The following MIS18BP1 variants were observed in gnomAD, a reference collection of about 807,000 sequenced individuals.
MIS18BP1 encodes the protein mis18-binding protein 1.
Under a neutral mutation model 116.1 loss-of-function variants are expected in MIS18BP1, and 72 were observed. The observed-to-expected ratio is 0.62, with a 90% CI of 0.51 to 0.75. The LOEUF is 0.75. Ranked by LOEUF, MIS18BP1 falls within the 30% of genes least tolerant of loss-of-function variation. The pLI, the probability that MIS18BP1 is intolerant of heterozygous loss-of-function variation, is 0.00. For missense variants in MIS18BP1, 1,363 were observed against 1,303.2 expected, an observed-to-expected ratio of 1.05 and a Z score of -0.71; for synonymous variants, 386 against 427.0, an observed-to-expected ratio of 0.90 and a Z score of 1.18.
chr14:45,212,243 T>C (rs1225506037), intron 13 of MIS18BP1, among the ~76,000 whole-genome samples: 1 of 152,104 alleles, frequency 6.6e-6, no homozygotes, highest in Non-Finnish European at 1.5e-5. Flanking sequence ...CCCTAATCTC[T>C]CTCTCTCTTC....
chr14:45,212,597 T>G lies in MIS18BP1; in HGVS notation c.3004-2069A>C, dbSNP rs192606117. Among the ~76,000 whole-genome samples the G allele has an allele frequency of 1.8e-3, 269 of 152,294 alleles. 1 individual carries two copies. The highest frequency in any genetic ancestry group is 2.8e-3 in the Non-Finnish European group (192 of 68,018). On this transcript the variant is annotated intron_variant, in intron 13 of 16. Coordinates refer to ENST00000310806, the MANE Select transcript of MIS18BP1 (RefSeq NM_018353.5). ...AAACAGAAACACCTAAAATTGGTGA[T>G]CAGCAGCTTCCTCATAAGATCTCAG...
intron 1 of MIS18BP1, among the ~76,000 whole-genome samples, chr14:45,250,797 C>G (rs1487260282): frequency 6.6e-6 from 1 of 151,958 alleles, no homozygotes. Flanking sequence ...CAAGTGATCA[C>G]GAGGCGAATG....
At chr14:45,231,108 C>T in intron 8 of MIS18BP1, 33 bp downstream of exon 8, 1 of 1,602,318 alleles carries the variant, frequency 6.2e-7, no homozygotes, top group Non-Finnish European at 8.5e-7. Context: ...AACTTAACCA[C>T]TGTACCAACA....
chr14:45,212,351 T>A (rs752028369), intron 13 of MIS18BP1, among the ~76,000 whole-genome samples: 1 of 152,156 alleles, frequency 6.6e-6, no homozygotes, highest in African/African-American at 2.4e-5. Context: ...CACCGTTAGC[T>A]TCCTCCAGCT....
Position 45,242,489 on chromosome 14 carries a change from T to G in MIS18BP1, c.688A>C (p.Asn230His), listed in dbSNP as rs770378803. The part of the protein sequence containing the change: ...ELPTLNQEQE[N>H]FLAVEARNKT... The stretch of plus-strand genomic sequence containing the variant: ...TTTCGGGCTTCTACAGCCAAAAAAT[T>G]TTCCTGTTCTTGGTTCAGAGTTGGA... Residue 230 changes from asparagine to histidine, a missense_variant, in exon 4 of 17, where the codon AAT becomes CAT. Asn to His is a moderately conservative substitution (Grantham distance 68, BLOSUM62 1). Transcript: ENST00000310806. 2 of 1,595,106 alleles carry G rather than the reference T, an allele frequency of 1.3e-6. No individual in the cohort carries two copies. The highest frequency in any genetic ancestry group is 4.5e-5 in the East Asian group (2 of 44,784).
chr14:45,212,215 CCTTAA>C (rs1247178889), intron 13 of MIS18BP1, among the ~76,000 whole-genome samples: 1 of 152,068 alleles, frequency 6.6e-6, no homozygotes, highest in Non-Finnish European at 1.5e-5. Context: ...AGGTGTGTAA[CCTTAA>C]TGTGTGTATG....
chr14:45,220,439 G>A (rs1409186196), intron 11 of MIS18BP1, among the ~76,000 whole-genome samples: 1 of 152,138 alleles, frequency 6.6e-6, no homozygotes, highest in African/African-American at 2.4e-5. Context: ...GGGGCCTAGG[G>A]GGAGGTGATT....
At chr14:45,205,643 A>C (rs1890494291) in intron 15 of MIS18BP1, among the ~76,000 whole-genome samples, 1 of 152,202 alleles carries the variant, frequency 6.6e-6, no homozygotes, top group South Asian at 2.1e-4. Flanking sequence ...AAAAAAATAA[A>C]ATTAAGTAGC....
At chr14:45,250,889 T>C (rs1436811149) in intron 1 of MIS18BP1, among the ~76,000 whole-genome samples, 2 of 152,020 alleles carry the variant, frequency 1.3e-5, no homozygotes, top group Non-Finnish European at 2.9e-5. Flanking sequence ...TACAAAAAAT[T>C]AGCCGGGCGT....
chr14:45,223,203 C>G (rs2139180462), intron 11 of MIS18BP1, among the ~76,000 whole-genome samples: 2 of 152,344 alleles, frequency 1.3e-5, no homozygotes, highest in Admixed American at 1.3e-4. Flanking sequence ...TCTTTAAACT[C>G]TCTTTGTTAC....
chr14:45,204,030 A>G lies in MIS18BP1; in HGVS notation c.*79T>C. Reference sequence around the variant, plus strand: ...TCATAGGAAGCTACTTTACAAAGAAAATACATGTACTCCAGTTGAAAATAC... The same window carrying G: ...TCATAGGAAGCTACTTTACAAAGAAGATACATGTACTCCAGTTGAAAATAC... On this transcript the variant is annotated 3_prime_UTR_variant, in exon 17 of 17. Coordinates refer to ENST00000310806, the MANE Select transcript of MIS18BP1 (RefSeq NM_018353.5). The G allele has an allele frequency of 6.6e-7, 1 of 1,517,266 alleles. No homozygotes were observed. The highest frequency in any genetic ancestry group is 8.8e-7 in the Non-Finnish European group (1 of 1,137,132). The allele number at this position is 1,517,266 out of a possible 1,614,324, so 94.0% of individuals were successfully genotyped here.
chr14:45,217,250 CT>C, intron 12 of MIS18BP1, 71 bp from the exon 13 acceptor site: 1 of 1,513,772 alleles, frequency 6.6e-7, no homozygotes, highest in Non-Finnish European at 8.9e-7. Context: ...AGTTAACAAC[CT>C]TTGCAAAGTC....
At chr14:45,252,266 T>C (rs958487380) in intron 1 of MIS18BP1, among the ~76,000 whole-genome samples, 1 of 151,162 alleles carries the variant, frequency 6.6e-6, no homozygotes, top group African/African-American at 2.4e-5. Context: ...AAGGACAAAA[T>C]AAATCCCGCC....
At chr14:45,230,656 G>A (rs1028328164) in intron 8 of MIS18BP1, among the ~76,000 whole-genome samples, 2 of 152,064 alleles carry the variant, frequency 1.3e-5, no homozygotes, top group African/African-American at 2.4e-5. Flanking sequence ...GCCTCACTCT[G>A]ATGCCCAAAC....
chr14:45,239,394 AAG>A (rs1295810393), intron 4 of MIS18BP1, among the ~76,000 whole-genome samples: 1 of 152,218 alleles, frequency 6.6e-6, no homozygotes, highest in African/African-American at 2.4e-5. Flanking sequence ...AACGTCTTGG[AAG>A]AGAGAACTGA....
In MIS18BP1 at chr14:45,231,189, T is replaced by C. The variant is rs1297795749; in HGVS notation, c.1546A>G (p.Thr516Ala). The C allele has an allele frequency of 6.2e-7, 1 of 1,614,036 alleles. No individual in the cohort carries two copies. Among genetic ancestry groups the C allele is most frequent in the Admixed American group, 1.7e-5 (1 of 60,006 alleles). Reference sequence around the variant, plus strand: ...TAAGTGGTGGTGGCTCTTTGAGCAGTATCTGTTTGGTTTTCTCGTGCATCA... The same window carrying C: ...TAAGTGGTGGTGGCTCTTTGAGCAGCATCTGTTTGGTTTTCTCGTGCATCA... ...KNDARENQTD[T>A]AQRATTTYDF... Residue 516 changes from threonine to alanine, a missense_variant, in exon 8 of 17, where the codon ACT becomes GCT. Transcript: ENST00000310806.
At chr14:45,245,682 T>G (rs1891704833) in intron 2 of MIS18BP1, among the ~76,000 whole-genome samples, 1 of 152,186 alleles carries the variant, frequency 6.6e-6, no homozygotes, top group Non-Finnish European at 1.5e-5. Context: ...TACTCTTTAT[T>G]CTACCTTCCA....
At position 45,245,057 on chromosome 14, in the gene MIS18BP1, C is replaced by T. The variant is rs144071259; in HGVS notation, c.544+1686G>A. Among the ~76,000 whole-genome samples the T allele has an allele frequency of 1.8e-3, 267 of 152,178 alleles. 1 individual carries two copies. The highest frequency in any genetic ancestry group is 0.017 in the Middle Eastern group (5 of 294). On this transcript the variant is annotated intron_variant, in intron 2 of 16. Transcript: ENST00000310806. ...AACTACAATTGCCATTATTTCTTTG[C>T]CAGCCTCAAAAAGAGCTGTCTATGT...
Position 45,247,110 on chromosome 14 carries a change from T to C in MIS18BP1, c.177A>G (p.Lys59=), listed in dbSNP as rs957749729. The C allele has an allele frequency of 1.9e-6, 3 of 1,612,770 alleles. No individual in the cohort carries two copies. The African/African-American group carries it at 4.0e-5, about 22-fold the overall frequency. The change falls in exon 2 of 17, where the codon AAA becomes AAG. Residue 59 remains lysine (K), a synonymous_variant. Coordinates refer to ENST00000310806, the MANE Select transcript of MIS18BP1 (RefSeq NM_018353.5). ...TTGTCATTTTTAGGAACTGATTCTT[T>C]TTATGGTCATTCAATTTTAAGGAGG... ...QNSSLKLNDH[K]KNQFLKMTTF...
Sources: gnomAD v4.1 joint callset for allele counts (sites outside exome capture counted in the v4.1 genomes callset) on GRCh38, gnomAD v4.1.1 for gene constraint, MANE v1.5 for transcripts, NCBI Gene and HGNC (gene_info 2026-07-23, HGNC 2026-07-21) for gene names.